Variants in TNIP3 observed in about 807,000 individuals in gnomAD.
TNIP3 encodes TNFAIP3 interacting protein 3, also known as TNFAIP3-interacting protein 3.
Under a neutral mutation model 54.1 loss-of-function variants are expected in TNIP3, and 34 were observed. The ratio of observed to expected loss-of-function variants is 0.63; its 90% CI spans 0.48 to 0.84. The LOEUF (loss-of-function observed/expected upper bound fraction) is 0.84, where lower values mean the gene tolerates loss of function less well. Ranked by LOEUF, TNIP3 falls within the 40% of genes least tolerant of loss-of-function variation. The probability of loss-of-function intolerance (pLI) is 0.00; values close to 1 mark genes in which losing one functional copy is unlikely to be tolerated. For synonymous variants in TNIP3, 134 were observed against 136.8 expected (o/e 0.98, Z 0.14); for missense variants, 366 against 387.6 (o/e 0.94, Z 0.47).
chr4:121,144,639 T>C (rs1282687897), intron 7 of TNIP3, among the ~76,000 whole-genome samples: 1 of 152,220 alleles, frequency 6.6e-6, no homozygotes, highest in Non-Finnish European at 1.5e-5. Flanking sequence ...TGATCTCAGG[T>C]GATCTGCCCG....
chr4:121,144,888 G>A (rs1475818989), intron 7 of TNIP3, among the ~76,000 whole-genome samples: 1 of 152,134 alleles, frequency 6.6e-6, no homozygotes, highest in East Asian at 1.9e-4. Flanking sequence ...TACAGATGAA[G>A]AAAAGGAAGC....
chr4:121,223,046 C>A (rs977331427), intron 1 of TNIP3, among the ~76,000 whole-genome samples: 2 of 152,160 alleles, frequency 1.3e-5, no homozygotes, highest in African/African-American at 4.8e-5. Flanking sequence ...ACCTCGTGAT[C>A]CGCCCGCCTC....
intron 1 of TNIP3, among the ~76,000 whole-genome samples, chr4:121,226,172 A>AACAGAG (rs1727247497): frequency 6.6e-6 from 1 of 151,032 alleles, no homozygotes; most frequent in East Asian, 2.0e-4. Flanking sequence ...AAAAGAGAGA[A>AACAGAG]ATAGACAAAG....
Position 121,141,410 on chromosome 4 carries a change from A to G in TNIP3, c.885+406T>C, listed in dbSNP as rs374565771. On this transcript the variant is annotated intron_variant, in intron 9 of 10. Coordinates refer to ENST00000057513, the MANE Select transcript of TNIP3 (RefSeq NM_024873.6). ...AAATGTCAAAATCTATTTTGCACAT[A>G]TGTAGCAATATCCATAGTAGTTCAA... is the stretch of plus-strand genomic sequence containing the variant. Among the ~76,000 whole-genome samples the G allele has an allele frequency of 3.1e-4, 47 of 152,356 alleles. No individual in the cohort carries two copies. The East Asian group carries it at 6.5e-3, about 21-fold the overall frequency.
intron 3 of TNIP3, among the ~76,000 whole-genome samples, chr4:121,180,922 T>C (rs932423889): frequency 6.6e-6 from 1 of 152,204 alleles, no homozygotes; most frequent in African/African-American, 2.4e-5. Flanking sequence ...TGTAGATGTC[T>C]TTACCTCATA....
exon 2 of TNIP3, chr4:121,216,458 C>A: frequency 2.0e-6 from 3 of 1,535,758 alleles, no homozygotes; most frequent in Non-Finnish European, 1.7e-6. Flanking sequence ...ACCAGTTTAT[C>A]GTCGTGTTTC....
intron 2 of TNIP3, among the ~76,000 whole-genome samples, chr4:121,212,563 G>C (rs997783844): frequency 6.6e-6 from 1 of 152,116 alleles, no homozygotes; most frequent in Non-Finnish European, 1.5e-5. Flanking sequence ...AATTATGATT[G>C]GTCTATGATG....
intron 1 of TNIP3, among the ~76,000 whole-genome samples, chr4:121,222,476 G>T (rs562702425): frequency 4.5e-4 from 69 of 152,206 alleles, no homozygotes; most frequent in Middle Eastern, 3.4e-3. Context: ...AATACTCTGA[G>T]CCCCACTGTC....
chr4:121,203,424 C>T (rs1208230042), intron 2 of TNIP3, among the ~76,000 whole-genome samples: 12 of 152,112 alleles, frequency 7.9e-5, no homozygotes, highest in Admixed American at 4.6e-4. Context: ...GCTATGAGAA[C>T]TCAAATGCAT....
At chr4:121,215,261 A>T (rs904171877) in intron 2 of TNIP3, among the ~76,000 whole-genome samples, 2 of 152,214 alleles carry the variant, frequency 1.3e-5, no homozygotes, top group Admixed American at 1.3e-4. Flanking sequence ...AGAATCTGAG[A>T]ATATGACTCC....
At chr4:121,194,435 A>G (rs1191887867) in intron 2 of TNIP3, among the ~76,000 whole-genome samples, 1 of 152,218 alleles carries the variant, frequency 6.6e-6, no homozygotes, top group Non-Finnish European at 1.5e-5. Context: ...TGAAATTAGC[A>G]TTTCATTATG....
At chr4:121,222,869 G>C (rs1560702648) in intron 1 of TNIP3, among the ~76,000 whole-genome samples, 1 of 145,222 alleles carries the variant, frequency 6.9e-6, no homozygotes, top group Non-Finnish European at 1.5e-5. Flanking sequence ...GCAGTGGCGC[G>C]ATCTTGGCTC....
chr4:121,172,018 C>T (rs546339510), intron 3 of TNIP3, among the ~76,000 whole-genome samples: 1 of 152,198 alleles, frequency 6.6e-6, no homozygotes, highest in Non-Finnish European at 1.5e-5. Context: ...CAGGCATGAG[C>T]CACCACACCT....
At chr4:121,176,707 G>A (rs1486933733) in intron 3 of TNIP3, among the ~76,000 whole-genome samples, 1 of 137,396 alleles carries the variant, frequency 7.3e-6, no homozygotes, top group African/African-American at 3.0e-5. Flanking sequence ...AGGAAAGCCA[G>A]ATTTTTTTTT....
At chr4:121,153,818 C>T (rs1437279188) in intron 5 of TNIP3, among the ~76,000 whole-genome samples, 1 of 152,184 alleles carries the variant, frequency 6.6e-6, no homozygotes, top group African/African-American at 2.4e-5. Flanking sequence ...AAGACAATTT[C>T]TGTTGCTTTT....
At chr4:121,194,462 G>T (rs1725460357) in intron 2 of TNIP3, among the ~76,000 whole-genome samples, 2 of 152,136 alleles carry the variant, frequency 1.3e-5, no homozygotes, top group Non-Finnish European at 2.9e-5. Flanking sequence ...GAACTAAGAT[G>T]CAGACCAATA....
intron 2 of TNIP3, among the ~76,000 whole-genome samples, chr4:121,205,604 G>T (rs1726137077): frequency 1.3e-5 from 2 of 152,050 alleles, no homozygotes; most frequent in African/African-American, 2.4e-5. Flanking sequence ...TTGAAATTAT[G>T]CAGGCTAGGG....
intron 10 of TNIP3, 31 bp downstream of exon 10, chr4:121,138,593 G>A (rs1007140029): frequency 2.5e-6 from 4 of 1,602,756 alleles, no homozygotes; most frequent in Non-Finnish European, 3.4e-6. Flanking sequence ...ATGTAAACAT[G>A]AAAGAATGCT....
At chr4:121,160,282 C>A (rs907085936) in intron 2 of TNIP3, among the ~76,000 whole-genome samples, 1 of 151,978 alleles carries the variant, frequency 6.6e-6, no homozygotes, top group African/African-American at 2.4e-5. Context: ...AGTTCTAGAC[C>A]AGGCTGGCCA....
Sources: gnomAD v4.1 joint callset for allele counts (sites outside exome capture counted in the v4.1 genomes callset) on GRCh38, gnomAD v4.1.1 for gene constraint, MANE v1.5 for transcripts, NCBI Gene and HGNC (gene_info 2026-07-23, HGNC 2026-07-21) for gene names.